Variants in SLIT2 observed in about 807,000 individuals in gnomAD.
The protein encoded by SLIT2 is slit homolog 2 protein.
In SLIT2, 41 loss-of-function variants were observed where a neutral mutation model predicts 185.7. That is an observed-to-expected ratio of 0.22 (90% confidence interval 0.17 to 0.29). The LOEUF is 0.29. Ranked by LOEUF, SLIT2 falls within the 10% of genes least tolerant of loss-of-function variation. SLIT2 has a pLI of 1.00. For missense variants in SLIT2, 1,571 were observed against 1,909.0 expected, an observed-to-expected ratio of 0.82 and a Z score of 3.30; for synonymous variants, 693 against 680.2, an observed-to-expected ratio of 1.02 and a Z score of -0.29.
chr4:20,367,885 AC>A (rs1280883146), intron 4 of SLIT2, among the ~76,000 whole-genome samples: 2 of 152,106 alleles, frequency 1.3e-5, no homozygotes, highest in Non-Finnish European at 2.9e-5. Flanking sequence ...GTCCATTCTT[AC>A]AGGGGTAATA....
intron 6 of SLIT2, 80 bp downstream of exon 6, chr4:20,480,867 C>A: frequency 1.0e-6 from 1 of 995,076 alleles, no homozygotes; most frequent in Non-Finnish European, 1.6e-6. Context: ...TATCTGCTAG[C>A]TTAAAACCTT....
intron 11 of SLIT2, among the ~76,000 whole-genome samples, chr4:20,516,494 A>G (rs1720232153): frequency 6.6e-6 from 1 of 152,158 alleles, no homozygotes; most frequent in Non-Finnish European, 1.5e-5. Flanking sequence ...TTCAGCTGAT[A>G]CCACTTTTTT....
At chr4:20,423,991 T>A (rs974406823) in intron 4 of SLIT2, among the ~76,000 whole-genome samples, 14 of 152,114 alleles carry the variant, frequency 9.2e-5, no homozygotes, top group Admixed American at 2.0e-4. Context: ...GGTTTACTTT[T>A]AAAGATTGAT....
chr4:20,392,963 T>C (rs994352298), intron 4 of SLIT2, among the ~76,000 whole-genome samples: 3 of 152,092 alleles, frequency 2.0e-5, no homozygotes, highest in African/African-American at 7.2e-5. Context: ...TAGTATAGTA[T>C]AGTAAATACA....
intron 4 of SLIT2, among the ~76,000 whole-genome samples, chr4:20,285,277 A>C (rs146969655): frequency 1.3e-5 from 2 of 152,316 alleles, no homozygotes; most frequent in Non-Finnish European, 2.9e-5. Context: ...CATCATCTGC[A>C]ACAAAGATTA....
At chr4:20,396,615 C>T (rs917770865) in intron 4 of SLIT2, among the ~76,000 whole-genome samples, 1 of 151,582 alleles carries the variant, frequency 6.6e-6, no homozygotes, top group Non-Finnish European at 1.5e-5. Flanking sequence ...CAGGGAGAGG[C>T]AGGGCTAGAG....
chr4:20,473,343 A>G (rs1367459970), intron 5 of SLIT2, among the ~76,000 whole-genome samples: 1 of 151,980 alleles, frequency 6.6e-6, no homozygotes, highest in Non-Finnish European at 1.5e-5. Context: ...CCTTTTTTGT[A>G]CATGCATTAC....
chr4:20,414,093 A>G (rs932393375), intron 4 of SLIT2, among the ~76,000 whole-genome samples: 1 of 151,996 alleles, frequency 6.6e-6, no homozygotes, highest in Non-Finnish European at 1.5e-5. Flanking sequence ...CTAAGGTGCA[A>G]TTTTAATTCC....
chr4:20,276,994 T>G (rs1367187708), intron 4 of SLIT2, among the ~76,000 whole-genome samples: 1 of 152,236 alleles, frequency 6.6e-6, no homozygotes. Flanking sequence ...ATGGGAAAAT[T>G]GGACTGGAAG....
intron 4 of SLIT2, among the ~76,000 whole-genome samples, chr4:20,432,266 A>G (rs771273077): frequency 3.9e-5 from 6 of 152,146 alleles, no homozygotes; most frequent in Non-Finnish European, 7.4e-5. Context: ...GACAGAAAGG[A>G]AAATAAGGTT....
At chr4:20,512,244 C>T (rs567152121) in intron 11 of SLIT2, among the ~76,000 whole-genome samples, 3 of 152,124 alleles carry the variant, frequency 2.0e-5, no homozygotes, top group South Asian at 4.2e-4. Context: ...TACACATGTG[C>T]GAGACCCAGA....
At chr4:20,267,778 C>G (rs750410347) in intron 3 of SLIT2, among the ~76,000 whole-genome samples, 5 of 151,810 alleles carry the variant, frequency 3.3e-5, no homozygotes, top group African/African-American at 7.3e-5. Flanking sequence ...CCCTCTTTTC[C>G]TGTCCCTTTT....
intron 18 of SLIT2, among the ~76,000 whole-genome samples, chr4:20,538,795 A>G (rs1560176690): frequency 6.6e-6 from 1 of 152,098 alleles, no homozygotes; most frequent in African/African-American, 2.4e-5. Flanking sequence ...AAAAAAAAAA[A>G]AAGGTATTTT....
At chr4:20,458,903 A>G (rs1432487835) in intron 4 of SLIT2, among the ~76,000 whole-genome samples, 4 of 152,208 alleles carry the variant, frequency 2.6e-5, no homozygotes, top group African/African-American at 7.2e-5. Flanking sequence ...TGCTCAATAA[A>G]TGTTAGCTTT....
At chr4:20,549,534 T>G (rs1577906814) in intron 24 of SLIT2, among the ~76,000 whole-genome samples, 1 of 152,164 alleles carries the variant, frequency 6.6e-6, no homozygotes, top group South Asian at 2.1e-4. Context: ...AACATGATCC[T>G]TGATCCTACT....
chr4:20,549,245 G>T, intron 24 of SLIT2, 117 bp downstream of exon 24: 6 of 579,128 alleles, frequency 1.0e-5, no homozygotes, highest in South Asian at 2.3e-5. Context: ...CATGCATTAG[G>T]ATTTATTATA....
intron 29 of SLIT2, among the ~76,000 whole-genome samples, chr4:20,588,344 A>G (rs948857523): frequency 3.3e-5 from 5 of 152,204 alleles, no homozygotes; most frequent in African/African-American, 1.2e-4. Context: ...TCTAAATAAT[A>G]TGCCACATTT....
At chr4:20,420,110 A>C (rs1728054323) in intron 4 of SLIT2, among the ~76,000 whole-genome samples, 1 of 152,188 alleles carries the variant, frequency 6.6e-6, no homozygotes, top group African/African-American at 2.4e-5. Flanking sequence ...ATCCTTCTTT[A>C]GGCTCATAGT....
At chr4:20,496,150 A>C (rs1202347424) in intron 9 of SLIT2, among the ~76,000 whole-genome samples, 2 of 152,206 alleles carry the variant, frequency 1.3e-5, no homozygotes, top group Non-Finnish European at 1.5e-5. Context: ...AATGAAAAGA[A>C]AGTATATGTA....
Sources: gnomAD v4.1 joint callset for allele counts (sites outside exome capture counted in the v4.1 genomes callset) on GRCh38, gnomAD v4.1.1 for gene constraint, MANE v1.5 for transcripts, NCBI Gene and HGNC (gene_info 2026-07-23, HGNC 2026-07-21) for gene names.